TOP2A: variants seen among roughly 807,000 people sequenced by gnomAD.
The protein encoded by TOP2A is DNA topoisomerase II alpha.
In TOP2A, 68 loss-of-function variants were observed where a neutral mutation model predicts 187.2. That is an observed-to-expected ratio of 0.36 (90% CI 0.30 to 0.44). The LOEUF is 0.44. Ranked by LOEUF, TOP2A falls within the 20% of genes least tolerant of loss-of-function variation. The pLI is 1.00. For missense variants in TOP2A, 1,196 were observed against 1,808.7 expected (o/e 0.66, Z 6.14); for synonymous variants, 542 against 593.2 (o/e 0.91, Z 1.25).
chr17:40,392,243 G>T lies in TOP2A; in HGVS notation c.4063C>A (p.Pro1355Thr), dbSNP rs1453908976. The stretch of plus-strand genomic sequence containing the variant: ...TTTGGGGAAGTTTTGGTCTTAGGTG[G>T]ACTAGCATCTGATGGGACAAAATCT... ...DEDFVPSDAS[P>T]PKTKTSPKLS... Residue 1355 changes from proline to threonine, a missense_variant, in exon 31 of 35, where the codon CCA (proline) becomes ACA (threonine). Around this residue, in one of 10 missense-constraint regions of TOP2A, gnomAD observed 374 missense variants for 403.3 expected, o/e 0.93. Coordinates refer to ENST00000423485, the MANE Select transcript of TOP2A (RefSeq NM_001067.4). 6.2e-7 allele frequency: 1 copy of T among 1,613,278 alleles called. No homozygotes were observed. The highest frequency in any genetic ancestry group is 8.5e-7 in the Non-Finnish European group (1 of 1,179,582).
intron 32 of TOP2A, 28 bp downstream of exon 32, chr17:40,392,040 G>A (rs1314849109): frequency 1.2e-6 from 2 of 1,605,684 alleles, no homozygotes; most frequent in Non-Finnish European, 1.7e-6. Flanking sequence ...TAAGGCAGAT[G>A]TCTCACTACT....
Position 40,411,406 on chromosome 17 carries a change from A to G in TOP2A, c.1013T>C (p.Val338Ala). Residue 338 changes from valine (V) to alanine (A), a missense_variant, in exon 9 of 35, where the codon GTT becomes GCT. Coordinates refer to ENST00000423485, the MANE Select transcript of TOP2A (RefSeq NM_001067.4). This position sits in a 1 kb window ranked among gnomAD's most constrained non-coding sequence, Gnocchi z 4.4. ...CTTGTTCTTCTTCTTCACAACATCA[A>G]CAAGTTTAGTCACAATCTGATCAGC... ...YVADQIVTKL[V>A]DVVKKKNKGG... 6.2e-7 allele frequency: 1 copy of G among 1,613,908 alleles called. No individual in the cohort carries two copies. Among genetic ancestry groups the G allele is most frequent in the Non-Finnish European group, 8.5e-7 (1 of 1,179,848 alleles).
Position 40,391,641 on chromosome 17 carries a change from C to A in TOP2A, c.4133-1G>T. The A allele has an allele frequency of 6.3e-7, 1 of 1,575,820 alleles. No homozygotes were observed. The highest frequency in any genetic ancestry group is 1.2e-5 in the South Asian group (1 of 83,940). The stretch of plus-strand genomic sequence containing the variant: ...CCCTTAACATCATCAGCTTCAAGGT[C>A]TATTATTTCAAATGGAAAGGAAAAT... On this transcript the variant is annotated splice_acceptor_variant, in intron 32 of 34. Transcript: ENST00000423485. LOFTEE classifies it high-confidence loss of function.
At chr17:40,402,351 A>G (rs1430202978) in intron 20 of TOP2A, among the ~76,000 whole-genome samples, 3 of 152,212 alleles carry the variant, frequency 2.0e-5, no homozygotes, top group Admixed American at 2.0e-4. Flanking sequence ...AGAACGGATG[A>G]ATGGGAGATC....
intron 20 of TOP2A, among the ~76,000 whole-genome samples, chr17:40,402,168 A>G (rs1246763256): frequency 6.6e-6 from 1 of 152,182 alleles, no homozygotes; most frequent in African/African-American, 2.4e-5. Context: ...AGCCTGAGCA[A>G]TTAGAAGGAT....
chr17:40,407,457 ACTAAT>A (rs1309137218), intron 13 of TOP2A, 87 bp downstream of exon 13: 1 of 1,026,318 alleles, frequency 9.7e-7, no homozygotes, highest in Non-Finnish European at 1.4e-6. Context: ...CTCCTATTTA[ACTAAT>A]TTATTTTCAT....
At chr17:40,412,571 G>C (rs997072036) in intron 7 of TOP2A, among the ~76,000 whole-genome samples, 188 bp downstream of exon 7, 2 of 152,216 alleles carry the variant, frequency 1.3e-5, no homozygotes, top group Non-Finnish European at 2.9e-5. Flanking sequence ...GTGAACCTGG[G>C]AGGTGGAGGT....
rs1454032885 is a variant in TOP2A at position 40,407,986 on chromosome 17, C to T, written c.1481G>A (p.Arg494Gln). The change falls in exon 12 of 35, where the codon CGA (arginine) becomes CAA (glutamine). Residue 494 changes from arginine to glutamine, a missense_variant. Transcript: ENST00000423485. ...FPLRGKILNV[R>Q]EASHKQIMEN... ...TTCTACCTGCTTATGAGAAGCTTCT[C>T]GAACATTGAGTATTTTTCCTCTAAG... 13 of 1,612,462 alleles carry T rather than the reference C, an allele frequency of 8.1e-6. No individual in the cohort carries two copies. Among genetic ancestry groups the T allele is most frequent in the African/African-American group, 1.3e-5 (1 of 74,954 alleles).
At chr17:40,417,143 A>G (rs2035400453) in intron 1 of TOP2A, among the ~76,000 whole-genome samples, 1 of 152,152 alleles carries the variant, frequency 6.6e-6, no homozygotes, top group African/African-American at 2.4e-5. Flanking sequence ...TCTTTTCTTG[A>G]GCAACATGGT....
At chr17:40,396,170 A>C (rs148497367) in intron 28 of TOP2A, 113 bp downstream of exon 28, 9,746 of 572,698 alleles carry the variant, frequency 0.017, 111 homozygotes, top group Non-Finnish European at 0.022. Context: ...TAGTAGAGAC[A>C]GGGTTTCAAC....
intron 17 of TOP2A, 63 bp downstream of exon 17, chr17:40,404,728 T>C (rs2035218001): frequency 2.8e-6 from 3 of 1,080,738 alleles, no homozygotes; most frequent in South Asian, 1.4e-5. Flanking sequence ...TAATTTGCTA[T>C]AGTATCAATA....
At chr17:40,416,979 T>C (rs2035397567) in intron 1 of TOP2A, 84 bp from the exon 2 acceptor site, 1 of 1,199,852 alleles carries the variant, frequency 8.3e-7, no homozygotes, top group Non-Finnish European at 1.2e-6. Flanking sequence ...CCTACCATAG[T>C]GAGATGTCAA....
intron 16 of TOP2A, among the ~76,000 whole-genome samples, chr17:40,405,761 G>A (rs985826733): frequency 6.7e-5 from 10 of 150,250 alleles, no homozygotes; most frequent in Middle Eastern, 3.4e-3. Flanking sequence ...GAGCCACCAC[G>A]CCTGGCCTTT....
rs752374198 is a variant in TOP2A at position 40,400,337 on chromosome 17, T to C, written c.2872A>G (p.Arg958Gly). 7 of 1,613,664 alleles carry C rather than the reference T, an allele frequency of 4.3e-6. No individual in the cohort carries two copies. The East Asian group carries it at 1.1e-4, about 26-fold the overall frequency. The change falls in exon 23 of 35, where the codon AGG becomes GGG. Residue 958 changes from arginine (R) to glycine (G), a missense_variant. This residue lies in a region of TOP2A where 232 missense variants were observed against 306.1 expected (regional missense o/e 0.76). Coordinates refer to ENST00000423485, the MANE Select transcript of TOP2A (RefSeq NM_001067.4). ...EKTPPLITDY[R>G]EYHTDTTVKF... ...ACAGTGGTATCTGTATGGTATTCCC[T>C]ATAGTCTGTTATGAGAGGAGGTGTC...
At chr17:40,408,704 G>A (rs1446209867) in intron 10 of TOP2A, 74 bp from the exon 11 acceptor site, 3 of 1,432,766 alleles carry the variant, frequency 2.1e-6, no homozygotes, top group South Asian at 1.1e-5. Context: ...GAATACAAAT[G>A]AGCCTTAATA....
intron 24 of TOP2A, chr17:40,399,375 CTT>C (rs1173233345): frequency 1.3e-5 from 6 of 453,896 alleles, no homozygotes; most frequent in Admixed American, 7.1e-5. Flanking sequence ...CTCTCTCACT[CTT>C]GTGTCCAGGC....
chr17:40,417,580 A>T, intron 1 of TOP2A, 191 bp downstream of exon 1: 1 of 1,444,188 alleles, frequency 6.9e-7, no homozygotes, highest in Middle Eastern at 2.6e-4. Flanking sequence ...AAGCCGGGTC[A>T]TACTTCACTA....
intron 25 of TOP2A, 49 bp downstream of exon 25, chr17:40,398,991 G>T: frequency 6.3e-7 from 1 of 1,597,990 alleles, no homozygotes; most frequent in Non-Finnish European, 8.5e-7. Context: ...CATAAACATT[G>T]TACAATACAT....
In TOP2A at chr17:40,400,858, A is replaced by G; in HGVS notation, c.2656T>C (p.Leu886=). 6.2e-7 allele frequency: 1 copy of G among 1,613,966 alleles called. No homozygotes were observed. The highest frequency in any genetic ancestry group is 8.5e-7 in the Non-Finnish European group (1 of 1,179,864). The change falls in exon 21 of 35, where the codon TTG becomes CTG. Residue 886 remains leucine (L), a synonymous_variant. Coordinates refer to ENST00000423485, the MANE Select transcript of TOP2A (RefSeq NM_001067.4). Reference sequence around the variant, plus strand: ...ACACACAGAATACTTACCATTGGCAAAGGTTCTTCTCCATCCATCAAACGC... The same window carrying G: ...ACACACAGAATACTTACCATTGGCAGAGGTTCTTCTCCATCCATCAAACGC... ...IRRLMDGEEP[L]PMLPSYKNFK...
Sources: allele counts gnomAD v4.1 joint callset (sites outside exome capture counted in the v4.1 genomes callset), GRCh38; gene constraint gnomAD v4.1.1; regional missense constraint gnomAD v4.1.1; non-coding constraint Gnocchi (gnomAD v3.1); transcripts MANE v1.5; gene names NCBI Gene and HGNC (gene_info 2026-07-23, HGNC 2026-07-21).